PRKD1: variants seen among roughly 807,000 people sequenced by gnomAD.
PRKD1 encodes the protein serine/threonine-protein kinase D1.
In PRKD1, 63 loss-of-function variants were observed where a neutral mutation model predicts 95.9. That is an observed-to-expected ratio of 0.66 (90% CI 0.54 to 0.81). The LOEUF (loss-of-function observed/expected upper bound fraction) is 0.81, where lower values mean the gene tolerates loss of function less well. PRKD1 is among the 30% of genes least tolerant of loss of function. PRKD1 has a pLI of 0.00. For missense variants in PRKD1, 1,048 were observed against 1,165.3 expected, an observed-to-expected ratio of 0.90 and a Z score of 1.47; for synonymous variants, 425 against 423.1, an observed-to-expected ratio of 1.00 and a Z score of -0.05.
intron 1 of PRKD1, among the ~76,000 whole-genome samples, chr14:29,752,665 A>T (rs1887532188): frequency 6.6e-6 from 1 of 151,906 alleles, no homozygotes; most frequent in Admixed American, 6.6e-5. Context: ...ATTTTTAAGA[A>T]CCCATGAGGG....
At chr14:29,660,344 T>G (rs10138410) in intron 4 of PRKD1, among the ~76,000 whole-genome samples, 2,170 of 152,264 alleles carry the variant, frequency 0.014, 54 homozygotes, top group African/African-American at 0.049. Context: ...GCCTTTATAA[T>G]ATGTTTGGCA....
chr14:29,783,017 G>C (rs1396242203), intron 1 of PRKD1, among the ~76,000 whole-genome samples: 2 of 152,132 alleles, frequency 1.3e-5, no homozygotes, highest in Non-Finnish European at 2.9e-5. Flanking sequence ...CATTTCAAAT[G>C]TTCTCTTCTA....
chr14:29,765,428 C>A (rs1467285566), intron 1 of PRKD1, among the ~76,000 whole-genome samples: 1 of 152,190 alleles, frequency 6.6e-6, no homozygotes, highest in Non-Finnish European at 1.5e-5. Flanking sequence ...CTCTCCTACC[C>A]TTCTGGTACA....
At chr14:29,666,812 A>G (rs1335048045) in intron 2 of PRKD1, among the ~76,000 whole-genome samples, 3 of 152,132 alleles carry the variant, frequency 2.0e-5, no homozygotes, top group African/African-American at 7.2e-5. Flanking sequence ...CCAACATGCC[A>G]AAGAGAGGGA....
chr14:29,767,951 T>C (rs1888328204), intron 1 of PRKD1, among the ~76,000 whole-genome samples: 1 of 152,174 alleles, frequency 6.6e-6, no homozygotes, highest in South Asian at 2.1e-4. Context: ...AAGAGGTAAA[T>C]AGGTTAACAT....
At chr14:29,758,470 C>T (rs751304869) in intron 1 of PRKD1, among the ~76,000 whole-genome samples, 4 of 152,180 alleles carry the variant, frequency 2.6e-5, no homozygotes, top group Non-Finnish European at 5.9e-5. Context: ...AAGGCCTGTT[C>T]TCTCCCTCTG....
intron 2 of PRKD1, among the ~76,000 whole-genome samples, chr14:29,672,369 A>T (rs1882910730): frequency 6.6e-6 from 1 of 151,832 alleles, no homozygotes; most frequent in Non-Finnish European, 1.5e-5. Flanking sequence ...AATAAAATAA[A>T]ATAAAATAAT....
intron 2 of PRKD1, among the ~76,000 whole-genome samples, chr14:29,695,790 G>A (rs1884483243): frequency 6.6e-6 from 1 of 152,186 alleles, no homozygotes; most frequent in Non-Finnish European, 1.5e-5. Context: ...AAAAGAGGAA[G>A]AGTGCCAGCC....
intron 1 of PRKD1, among the ~76,000 whole-genome samples, chr14:29,743,279 G>C (rs1887061590): frequency 6.6e-6 from 1 of 152,144 alleles, no homozygotes; most frequent in Admixed American, 6.5e-5. Flanking sequence ...CGCAGAAGAG[G>C]CTAGCTGCAT....
chr14:29,630,929 A>G lies in PRKD1; in HGVS notation c.1485T>C (p.Thr495=), dbSNP rs769724137. The G allele has an allele frequency of 2.5e-6, 4 of 1,614,144 alleles. No individual in the cohort carries two copies. In the Admixed American group the frequency reaches 6.7e-5, roughly 27 times the overall value. The change falls in exon 10 of 18, where the codon ACT becomes ACC. Residue 495 remains threonine (T), a synonymous_variant. Transcript: ENST00000331968. ...CCACATAATACACTACATTTGCCGT[A>G]GTGATTTCGAAACAATGAGGATTGG... ...NGANPHCFEI[T]TANVVYYVGE...
At chr14:29,682,569 A>G (rs997937496) in intron 2 of PRKD1, among the ~76,000 whole-genome samples, 1 of 152,138 alleles carries the variant, frequency 6.6e-6, no homozygotes, top group African/African-American at 2.4e-5. Context: ...TTCCCACTGC[A>G]TTATTCATTC....
In PRKD1 at chr14:29,608,270, A is replaced by G. The variant is rs576400984; in HGVS notation, c.1906-8453T>C. ...AAATTGTAATCATTTCAAATAATAC[A>G]AATTAAAGAACAAAAGGATACAAAT... On this transcript the variant is annotated intron_variant, in intron 13 of 17. Transcript: ENST00000331968. Among the ~76,000 whole-genome samples the G allele has an allele frequency of 3.5e-4, 53 of 152,282 alleles. 1 individual carries two copies. Among genetic ancestry groups the G allele is most frequent in the African/African-American group, 1.2e-3 (49 of 41,578 alleles).
intron 1 of PRKD1, among the ~76,000 whole-genome samples, chr14:29,837,962 C>T (rs961969741): frequency 6.6e-6 from 1 of 152,180 alleles, no homozygotes; most frequent in Non-Finnish European, 1.5e-5. Context: ...CAATATGGTA[C>T]TACATTAGAA....
At chr14:29,900,479 G>A (rs1310995738) in intron 1 of PRKD1, among the ~76,000 whole-genome samples, 1 of 152,056 alleles carries the variant, frequency 6.6e-6, no homozygotes, top group Non-Finnish European at 1.5e-5. Flanking sequence ...AATGAAAACT[G>A]ACAAGTGAAA....
At chr14:29,612,709 A>G (rs1878554285) in intron 13 of PRKD1, among the ~76,000 whole-genome samples, 1 of 152,078 alleles carries the variant, frequency 6.6e-6, no homozygotes, top group Non-Finnish European at 1.5e-5. Context: ...TTAGACATAT[A>G]TACATAACCT....
At chr14:29,881,650 A>AT (rs1311579562) in intron 1 of PRKD1, among the ~76,000 whole-genome samples, 9 of 151,480 alleles carry the variant, frequency 5.9e-5, no homozygotes, top group African/African-American at 2.2e-4. Context: ...TAATTCTTTA[A>AT]TTTTTTCATC....
intron 1 of PRKD1, among the ~76,000 whole-genome samples, chr14:29,823,377 T>C (rs1250929461): frequency 6.6e-6 from 1 of 152,202 alleles, no homozygotes; most frequent in Non-Finnish European, 1.5e-5. Flanking sequence ...TTAATATTTG[T>C]TATTCGCAGA....
At chr14:29,917,430 T>C (rs1433493939) in intron 1 of PRKD1, among the ~76,000 whole-genome samples, 2 of 151,934 alleles carry the variant, frequency 1.3e-5, no homozygotes, top group African/African-American at 4.9e-5. Flanking sequence ...AACATAAATG[T>C]CGGTGAATAA....
intron 13 of PRKD1, among the ~76,000 whole-genome samples, chr14:29,610,341 A>T (rs1003205560): frequency 6.6e-6 from 1 of 152,170 alleles, no homozygotes; most frequent in African/African-American, 2.4e-5. Context: ...CAGCCAGATT[A>T]AAAAAATGGG....
Sources: gnomAD v4.1 joint callset for allele counts (sites outside exome capture counted in the v4.1 genomes callset) on GRCh38, gnomAD v4.1.1 for gene constraint, MANE v1.5 for transcripts, NCBI Gene and HGNC (gene_info 2026-07-23, HGNC 2026-07-21) for gene names.